The following URB1 variants were observed in gnomAD, a reference collection of about 807,000 sequenced individuals.
URB1 encodes the protein nucleolar pre-ribosomal-associated protein 1.
In URB1, 197 loss-of-function variants were observed where a neutral mutation model predicts 242.3. That is an observed-to-expected ratio of 0.81 (90% CI 0.72 to 0.91). The LOEUF is 0.91. URB1 is among the 40% of genes least tolerant of loss of function. The probability of loss-of-function intolerance (pLI) is 0.00; values close to 1 mark genes in which losing one functional copy is unlikely to be tolerated. For missense variants in URB1, 2,721 were observed against 2,860.5 expected (o/e 0.95, Z 1.11); for synonymous variants, 1,153 against 1,201.8 (o/e 0.96, Z 0.84).
chr21:32,361,776 G>A (rs2033290815), intron 12 of URB1, 116 bp downstream of exon 12: 5 of 1,387,510 alleles, frequency 3.6e-6, no homozygotes, highest in East Asian at 5.1e-5. Context: ...ACAGCCAGAG[G>A]TGCCTTGAAA....
rs528069899 is a variant in URB1, at chr21:32,372,646, T to A, written c.877-15A>T. On this transcript the variant is annotated splice_polypyrimidine_tract_variant and intron_variant, in intron 7 of 38. Transcript: ENST00000382751. ...TCGGCAGAAACCTATGAAGATTTTT[T>A]AAAAATTCAATGAAAATCCCAAGCT... The A allele has an allele frequency of 1.9e-4, 295 of 1,543,378 alleles. No individual in the cohort carries two copies. Among genetic ancestry groups the A allele is most frequent in the East Asian group, 3.4e-4 (14 of 40,738 alleles).
chr21:32,355,573 G>A lies in URB1; in HGVS notation c.1990-8C>T, dbSNP rs1396131780. 2 of 1,549,292 alleles carry A rather than the reference G, an allele frequency of 1.3e-6. No individual in the cohort carries two copies. The highest frequency in any genetic ancestry group is 2.0e-5 in the Admixed American group (1 of 50,996). ...CCCCGTGTCCCGCAGAATCTGCCAGGAAGTAGGCACCGGTGAAAAAGTCAG... is the reference window on the plus strand; with the variant it reads ...CCCCGTGTCCCGCAGAATCTGCCAGAAAGTAGGCACCGGTGAAAAAGTCAG... On this transcript the variant is annotated splice_region_variant and splice_polypyrimidine_tract_variant and intron_variant, in intron 15 of 38. Transcript: ENST00000382751.
intron 13 of URB1, among the ~76,000 whole-genome samples, chr21:32,360,654 T>C (rs1484765829): frequency 6.6e-6 from 1 of 152,182 alleles, no homozygotes; most frequent in Non-Finnish European, 1.5e-5. Context: ...AAACAGGATG[T>C]CCCTTCTGCA....
rs2033075272 is a variant in URB1, at chr21:32,345,389, G to A, written c.4055C>T (p.Pro1352Leu). Residue 1352 changes from proline to leucine, a missense_variant, in exon 23 of 39, where the codon CCA becomes CTA. By Grantham distance (98) the Pro-to-Leu change is moderately conservative. Transcript: ENST00000382751. Reference sequence around the variant, plus strand: ...GCCTTCATACCTCTTGTGACTGCTTGGGGTGTGAAGCAAGCTGGGCAGGCG... The same window carrying A: ...GCCTTCATACCTCTTGTGACTGCTTAGGGTGTGAAGCAAGCTGGGCAGGCG... ...MDRLPSLLHT[P>L]SSHKRWIVAD... The A allele has an allele frequency of 6.4e-7, 1 of 1,551,172 alleles. No homozygotes were observed.
At position 32,311,632 on chromosome 21, in the gene URB1, G is replaced by A; in HGVS notation, c.*3286C>T. On this transcript the variant is annotated 3_prime_UTR_variant, in exon 39 of 39. Coordinates refer to ENST00000382751, the MANE Select transcript of URB1 (RefSeq NM_014825.3). ...GGAAACCCCCCAGCCCCACAGTATGGACTGTTCTGCAGCAACTATGATGCC... is the reference window on the plus strand; with the variant it reads ...GGAAACCCCCCAGCCCCACAGTATGAACTGTTCTGCAGCAACTATGATGCC... 6.3e-7 allele frequency: 1 copy of A among 1,598,626 alleles called. No homozygotes were observed. The highest frequency in any genetic ancestry group is 8.5e-7 in the Non-Finnish European group (1 of 1,172,780).
rs890077462 is a variant in URB1 at position 32,313,201 on chromosome 21, C to T, written c.*1717G>A. On this transcript the variant is annotated 3_prime_UTR_variant, in exon 39 of 39. Transcript: ENST00000382751. ...GAGCCAGGGATGAAGCCGTGGAAAT[C>T]CACCCCACCTGCTCGCTGCCCCTCC... 1.3e-5 allele frequency: 2 copies of T among 152,348 alleles called. No homozygotes were observed. The highest frequency in any genetic ancestry group is 1.9e-4 in the East Asian group (1 of 5,192). 9.4% of individuals were successfully genotyped at this position (152,348 alleles called of 1,614,324 possible). A position where few individuals can be genotyped will look rare whatever the true frequency, so the allele number is the denominator to read the frequency against.
At chr21:32,361,183 G>GAAAGAAAGAAAGAAAGAAAC in intron 12 of URB1, 60 bp from the exon 13 acceptor site, 1 of 810,286 alleles carries the variant, frequency 1.2e-6, no homozygotes. Context: ...AAGAAAGAAA[G>GAAAGAAAGAAAGAAAGAAAC]AAAGAAAGAA....
intron 6 of URB1, 22 bp downstream of exon 6, chr21:32,375,376 A>G: frequency 7.0e-7 from 1 of 1,435,434 alleles, no homozygotes; most frequent in East Asian, 2.6e-5. Flanking sequence ...GACAACAGAA[A>G]CGCGGATCAC....
intron 26 of URB1, among the ~76,000 whole-genome samples, 178 bp from the exon 27 acceptor site, chr21:32,337,692 C>A (rs13046776): frequency 0.54 from 82,323 of 151,634 alleles, 27,416 homozygotes; most frequent in Non-Finnish European, 0.75. Flanking sequence ...TTATTATTTT[C>A]TTTTCTTTTT....
chr21:32,364,541 G>A (rs183701431), intron 10 of URB1, among the ~76,000 whole-genome samples: 195 of 152,272 alleles, frequency 1.3e-3, no homozygotes, highest in Middle Eastern at 6.8e-3. Context: ...TGTGTACACT[G>A]CACACTAAAT....
chr21:32,349,276 T>C (rs750631140), intron 21 of URB1, 28 bp downstream of exon 21: 14 of 1,502,230 alleles, frequency 9.3e-6, no homozygotes, highest in East Asian at 2.5e-5. Flanking sequence ...ACTCTGAGAA[T>C]AGGCTACCAG....
intron 5 of URB1, 40 bp downstream of exon 5, chr21:32,378,405 A>C (rs768578445): frequency 2.0e-6 from 3 of 1,534,146 alleles, no homozygotes; most frequent in Non-Finnish European, 2.7e-6. Context: ...GGTTTTTCAA[A>C]ACAAATGGGC....
rs1247538949 is a variant in URB1 at position 32,375,451 on chromosome 21, T to C, written c.697A>G (p.Lys233Glu). 3.9e-6 allele frequency: 6 copies of C among 1,538,744 alleles called. No homozygotes were observed. In the Admixed American group the frequency reaches 1.2e-4, roughly 32 times the overall value. ...TTGATGGTAGAGATCCTATCTTCCT[T>C]TATCCCTGAGCTAAAAATGCAAGGA... ...FIPCIFSSGIKEDRISTINIL... is the reference protein window; with the variant it reads ...FIPCIFSSGIEEDRISTINIL... The change falls in exon 6 of 39, where the codon AAG (lysine) becomes GAG (glutamate). Residue 233 changes from lysine to glutamate, a missense_variant. Physicochemically the swap from Lys to Glu is moderately conservative, Grantham distance 56 (BLOSUM62 1). Coordinates refer to ENST00000382751, the MANE Select transcript of URB1 (RefSeq NM_014825.3).
In URB1 at chr21:32,338,920, G is replaced by T. The variant is rs9978210; in HGVS notation, c.4317-20C>A. 6.6e-7 allele frequency: 1 copy of T among 1,517,594 alleles called. No homozygotes were observed. Among genetic ancestry groups the T allele is most frequent in the African/African-American group, 1.4e-5 (1 of 71,726 alleles). 94.0% of individuals were successfully genotyped at this position (1,517,594 alleles called of 1,614,324 possible). On this transcript the variant is annotated intron_variant, in intron 25 of 38. Coordinates refer to ENST00000382751, the MANE Select transcript of URB1 (RefSeq NM_014825.3). The stretch of plus-strand genomic sequence containing the variant: ...CGAAATCTAGGCGGCGAGAGTCAAA[G>T]GGAAAAGAGCTTTGCTAAAAGGAAA...
intron 10 of URB1, among the ~76,000 whole-genome samples, chr21:32,364,830 G>T (rs1247567503): frequency 6.6e-6 from 1 of 152,126 alleles, no homozygotes; most frequent in Admixed American, 6.5e-5. Flanking sequence ...CCAGTCCCTG[G>T]ATGCACTCAC....
intron 17 of URB1, among the ~76,000 whole-genome samples, chr21:32,354,529 G>A (rs1383381036): frequency 2.6e-5 from 4 of 152,152 alleles, no homozygotes; most frequent in Non-Finnish European, 5.9e-5. Flanking sequence ...ACCTCTCTGT[G>A]CCCCAGCCGC....
chr21:32,331,447 T>C (rs113698089), intron 30 of URB1, among the ~76,000 whole-genome samples: 1 of 152,234 alleles, frequency 6.6e-6, no homozygotes, highest in Non-Finnish European at 1.5e-5. Context: ...CTAAAAATAC[T>C]GAGCATCATA....
rs1323093203 is a variant in URB1, at chr21:32,316,857, G to A, written c.6243C>T (p.Asp2081=). The A allele has an allele frequency of 2.6e-6, 4 of 1,550,558 alleles. No homozygotes were observed. Among genetic ancestry groups the A allele is most frequent in the African/African-American group, 2.7e-5 (2 of 73,020 alleles). ...PGPDPTQEPV[D]SASPESDAPG... is the part of the protein sequence containing the mutation. ...GCGCATCGCTCTCGGGGCTGGCTGA[G>A]TCCACAGGCTCCTGAGTGGGGTCAG... is the stretch of plus-strand genomic sequence containing the variant. Residue 2081 remains aspartate (D), a synonymous_variant, in exon 38 of 39, where the codon GAC becomes GAT. Transcript: ENST00000382751.
intron 30 of URB1, chr21:32,333,038 G>A (rs2032914225): frequency 2.5e-6 from 1 of 397,088 alleles, no homozygotes; most frequent in Non-Finnish European, 4.6e-6. Context: ...TGCAGAAAAT[G>A]TTCATCATTA....
Sources: allele counts gnomAD v4.1 joint callset (sites outside exome capture counted in the v4.1 genomes callset), GRCh38; gene constraint gnomAD v4.1.1; transcripts MANE v1.5; gene names NCBI Gene and HGNC (gene_info 2026-07-23, HGNC 2026-07-21).